ATP2C1: variants seen among roughly 807,000 people sequenced by gnomAD.
ATP2C1 encodes the protein ATPase secretory pathway Ca2+ transporting 1.
In ATP2C1, 31 loss-of-function variants were observed where a neutral mutation model predicts 120.5. The observed-to-expected ratio is 0.26, with a 90% CI of 0.19 to 0.35. The LOEUF (loss-of-function observed/expected upper bound fraction) is 0.35. Ranked by LOEUF, ATP2C1 falls within the 10% of genes least tolerant of loss-of-function variation. The probability of loss-of-function intolerance (pLI) is 1.00; values close to 1 mark genes in which losing one functional copy is unlikely to be tolerated. For missense variants in ATP2C1, 731 were observed against 1,107.5 expected (o/e 0.66, Z 4.83); for synonymous variants, 351 against 358.7 (o/e 0.98, Z 0.24).
intron 12 of ATP2C1, among the ~76,000 whole-genome samples, chr3:130,962,087 C>A (rs370032380): frequency 6.6e-6 from 1 of 152,132 alleles, no homozygotes. Flanking sequence ...TAAACGAATG[C>A]ATGACCCTAT....
intron 2 of ATP2C1, among the ~76,000 whole-genome samples, chr3:130,923,229 C>CTT (rs954421675): frequency 6.9e-6 from 1 of 145,026 alleles, no homozygotes. Context: ...CTTTGTCTTT[C>CTT]TTTTTTTTTT....
chr3:130,931,526 G>C (rs527662404), intron 3 of ATP2C1, among the ~76,000 whole-genome samples: 58 of 152,144 alleles, frequency 3.8e-4, no homozygotes, highest in South Asian at 6.2e-4. Flanking sequence ...CGTTCTTTGG[G>C]AGAAACTAAT....
chr3:130,948,820 C>T lies in ATP2C1; in HGVS notation c.532-5001C>T, dbSNP rs2060253061. Among the ~76,000 whole-genome samples, 3 of 152,138 alleles carry T rather than the reference C, an allele frequency of 2.0e-5. No individual in the cohort carries two copies. The South Asian group carries it at 6.2e-4, about 32-fold the overall frequency. On this transcript the variant is annotated intron_variant, in intron 8 of 27. Coordinates refer to ENST00000510168, the MANE Select transcript of ATP2C1 (RefSeq NM_001378687.1). ...CTGTGTCACATTTTGGTAATTCTCA[C>T]AGTATTTCGAACTTTTTCAATATTA...
intron 2 of ATP2C1, among the ~76,000 whole-genome samples, chr3:130,899,061 A>G (rs1484589192): frequency 6.6e-6 from 1 of 152,196 alleles, no homozygotes; most frequent in African/African-American, 2.4e-5. Flanking sequence ...GGTAAAAGGC[A>G]GTAAAGGGTG....
chr3:130,855,177 C>T (rs527876954), intron 1 of ATP2C1, among the ~76,000 whole-genome samples: 25 of 152,260 alleles, frequency 1.6e-4, no homozygotes, highest in African/African-American at 4.8e-4. Flanking sequence ...TTTTCCAATT[C>T]GTGTCTCCAT....
chr3:130,892,988 T>C (rs552800383), upstream of ATP2C1, among the ~76,000 whole-genome samples: 2 of 152,316 alleles, frequency 1.3e-5, no homozygotes, highest in African/African-American at 4.8e-5. Context: ...TAAGTGTTGA[T>C]GGAGAAAAAC....
rs536915640 is a variant in ATP2C1 at position 130,948,726 on chromosome 3, G to C, written c.532-5095G>C. On this transcript the variant is annotated intron_variant, in intron 8 of 27. Transcript: ENST00000510168. ...TTTAAAAAAATATATTAATAGATTT[G>C]TGGCAACCCTGTGTCAGGCAAGTCT... Among the ~76,000 whole-genome samples, 5 of 152,100 alleles carry C rather than the reference G, an allele frequency of 3.3e-5. No individual in the cohort carries two copies. In the South Asian group the frequency reaches 1.0e-3, roughly 32 times the overall value.
intron 21 of ATP2C1, 43 bp from the exon 22 acceptor site, chr3:130,993,889 T>A: frequency 1.2e-6 from 2 of 1,609,456 alleles, no homozygotes; most frequent in South Asian, 1.1e-5. Context: ...GCAACATTTT[T>A]ATCAAAATTC....
chr3:130,912,268 A>C (rs2058458318), intron 2 of ATP2C1, among the ~76,000 whole-genome samples: 1 of 145,050 alleles, frequency 6.9e-6, no homozygotes, highest in South Asian at 2.2e-4. Context: ...TAATTAAACT[A>C]AAGAGCTTCT....
At chr3:130,971,338 T>G (rs1231423148) in intron 17 of ATP2C1, among the ~76,000 whole-genome samples, 1 of 152,194 alleles carries the variant, frequency 6.6e-6, no homozygotes, top group African/African-American at 2.4e-5. Context: ...AACATTTGAT[T>G]ATTCTTCACA....
intron 2 of ATP2C1, among the ~76,000 whole-genome samples, chr3:130,928,538 A>G (rs1449215488): frequency 3.3e-5 from 5 of 152,230 alleles, no homozygotes; most frequent in Admixed American, 1.3e-4. Context: ...GCAATTTCCA[A>G]TATATTATTG....
chr3:130,958,145 C>T (rs1034103686), intron 11 of ATP2C1, among the ~76,000 whole-genome samples: 2 of 152,044 alleles, frequency 1.3e-5, no homozygotes, highest in Non-Finnish European at 2.9e-5. Context: ...TTCAACTTTA[C>T]GATCTCTGGT....
At chr3:130,917,187 AGT>A (rs1239672158) in intron 2 of ATP2C1, among the ~76,000 whole-genome samples, 3 of 152,196 alleles carry the variant, frequency 2.0e-5, no homozygotes, top group Non-Finnish European at 2.9e-5. Flanking sequence ...AGTGTTGCTG[AGT>A]GTGTTTAAAA....
In ATP2C1 at chr3:130,957,478, G is replaced by A. The variant is rs76426169; in HGVS notation, c.832+1299G>A. Among the ~76,000 whole-genome samples the A allele has an allele frequency of 0.011, 1,723 of 152,022 alleles. 126 individuals are homozygous for A. In the East Asian group the frequency reaches 0.21, roughly 19 times the overall value. ...ACATTAAGCACTTGCATTAATTTTG[G>A]AGTCTTTTCTCCTTTAATTTTCTTA... On this transcript the variant is annotated intron_variant, in intron 11 of 27. Coordinates refer to ENST00000510168, the MANE Select transcript of ATP2C1 (RefSeq NM_001378687.1).
intron 1 of ATP2C1, among the ~76,000 whole-genome samples, chr3:130,867,344 C>T (rs1440835510): frequency 2.6e-5 from 4 of 151,480 alleles, no homozygotes; most frequent in African/African-American, 9.7e-5. Context: ...CCCTCACGGT[C>T]TCCCTCTGAT....
At chr3:130,986,491 T>TA (rs1485566784) in intron 20 of ATP2C1, among the ~76,000 whole-genome samples, 19 of 152,216 alleles carry the variant, frequency 1.2e-4, no homozygotes, top group Non-Finnish European at 2.2e-4. Flanking sequence ...AATTACAAAT[T>TA]ACATCATCAG....
intron 1 of ATP2C1, among the ~76,000 whole-genome samples, chr3:130,858,706 T>C (rs1277356009): frequency 1.3e-5 from 2 of 152,158 alleles, no homozygotes; most frequent in Non-Finnish European, 2.9e-5. Context: ...CTGAAGTACT[T>C]GAAATAATCC....
intron 5 of ATP2C1, 27 bp from the exon 6 acceptor site, chr3:130,937,401 A>G (rs777495029): frequency 9.3e-6 from 15 of 1,606,218 alleles, no homozygotes; most frequent in African/African-American, 6.7e-5. Flanking sequence ...TTAATGTCTG[A>G]TTTAAAAGCC....
At chr3:130,906,463 A>G (rs905292211) in intron 2 of ATP2C1, among the ~76,000 whole-genome samples, 5 of 152,098 alleles carry the variant, frequency 3.3e-5, no homozygotes, top group Non-Finnish European at 5.9e-5. Flanking sequence ...AAAAAATAAC[A>G]CTATTGTGAG....
Sources: gnomAD v4.1 joint callset for allele counts (sites outside exome capture counted in the v4.1 genomes callset) on GRCh38, gnomAD v4.1.1 for gene constraint, MANE v1.5 for transcripts, NCBI Gene and HGNC (gene_info 2026-07-23, HGNC 2026-07-21) for gene names.